Variants in ATG9A observed in about 807,000 individuals in gnomAD.
The protein encoded by ATG9A is autophagy-related protein 9A.
Under a neutral mutation model 87.1 loss-of-function variants are expected in ATG9A, and 21 were observed. The ratio of observed to expected loss-of-function variants is 0.24; its 90% confidence interval spans 0.17 to 0.35. The LOEUF (loss-of-function observed/expected upper bound fraction) is 0.35, where lower values mean the gene tolerates loss of function less well. Among genes scored for constraint, ATG9A ranks in the 10% least tolerant of loss-of-function variants. The probability of loss-of-function intolerance (pLI) is 1.00; values close to 1 mark genes in which losing one functional copy is unlikely to be tolerated. For missense variants in ATG9A, 836 were observed against 1,107.3 expected, an observed-to-expected ratio of 0.76 and a Z score of 3.48; for synonymous variants, 422 against 441.3, an observed-to-expected ratio of 0.96 and a Z score of 0.55.
chr2:219,226,456 G>A (rs527389224), intron 5 of ATG9A, among the ~76,000 whole-genome samples: 154 of 152,226 alleles, frequency 1.0e-3, no homozygotes, highest in African/African-American at 3.3e-3. Flanking sequence ...AGGTTGAGGC[G>A]GGCAGATAAC....
Position 219,224,199 on chromosome 2 carries a change from A to G in ATG9A, c.1172T>C (p.Leu391Pro). 6.2e-7 allele frequency: 1 copy of G among 1,613,806 alleles called. No individual in the cohort carries two copies. The highest frequency in any genetic ancestry group is 8.5e-7 in the Non-Finnish European group (1 of 1,180,052). The change falls in exon 8 of 16, where the codon CTT (leucine) becomes CCT (proline). Residue 391 changes from leucine (L) to proline (P), a missense_variant. Transcript: ENST00000361242. This position sits in a 1 kb window ranked among gnomAD's most constrained non-coding sequence, Gnocchi z 7.7. ...AFFAGSILAV[L>P]IALTIYDEDV... ...TTCGTCATAAATGGTGAGGGCAATA[A>G]GCACAGCCAGGATGGAGCCAGCGAA...
chr2:219,225,641 GGA>G, intron 5 of ATG9A, 69 bp from the exon 6 acceptor site: 2 of 1,531,616 alleles, frequency 1.3e-6, no homozygotes, highest in Non-Finnish European at 1.8e-6. Flanking sequence ...AGTGGGAAGA[GGA>G]GAGTCTGGAG....
rs73993548 is a variant in ATG9A, at chr2:219,222,439, A to G, written c.1860T>C (p.Leu620=). 1,934 of 1,568,866 alleles carry G rather than the reference A, an allele frequency of 1.2e-3. 20 individuals carry two copies. In the African/African-American group the frequency reaches 0.024, roughly 20 times the overall value. Residue 620 remains leucine, a synonymous_variant, in exon 12 of 16, where the codon CTT becomes CTC. Transcript: ENST00000361242. This position sits in a 1 kb window ranked among gnomAD's most constrained non-coding sequence, Gnocchi z 4.3. ...SLQSESEPLS[L]IANVVAGSSC... ...ATGAGCCAGCTACCACATTTGCGATAAGGCTCAGGGGCTATGAACGAAACG... is the reference window on the plus strand; with the variant it reads ...ATGAGCCAGCTACCACATTTGCGATGAGGCTCAGGGGCTATGAACGAAACG...
Position 219,225,395 on chromosome 2 carries a change from G to C in ATG9A, c.374+16C>G. ...GAACTCAAGGCTATGGTGTCCTCTTGACTTGCAGCCCTTACCTGGCACTAC... is the reference window on the plus strand; with the variant it reads ...GAACTCAAGGCTATGGTGTCCTCTTCACTTGCAGCCCTTACCTGGCACTAC... On this transcript the variant is annotated intron_variant, in intron 6 of 15. Transcript: ENST00000361242. The C allele has an allele frequency of 6.2e-7, 1 of 1,613,060 alleles. No homozygotes were observed. Among genetic ancestry groups the C allele is most frequent in the Non-Finnish European group, 8.5e-7 (1 of 1,179,288 alleles).
At position 219,219,431 on chromosome 2, in the gene ATG9A, A is replaced by G. The variant is rs1047726752; in HGVS notation, c.*1016T>C. 1 of 152,560 alleles carries G rather than the reference A, an allele frequency of 6.6e-6. No homozygotes were observed. Among genetic ancestry groups the G allele is most frequent in the South Asian group, 2.1e-4 (1 of 4,832 alleles). The allele number at this position is 152,560 out of a possible 1,614,324, so 9.5% of individuals were successfully genotyped here. A position where few individuals can be genotyped will look rare whatever the true frequency, so the allele number is the denominator to read the frequency against. ...GGTTATCAAGCTGTACACGGTCCCTACCCTGCTCCGCTCCGAGTTCGGGCA... is the reference window on the plus strand; with the variant it reads ...GGTTATCAAGCTGTACACGGTCCCTGCCCTGCTCCGCTCCGAGTTCGGGCA... On this transcript the variant is annotated 3_prime_UTR_variant, in exon 16 of 16. Transcript: ENST00000361242.
chr2:219,221,853 G>A (rs149730731), intron 13 of ATG9A, among the ~76,000 whole-genome samples, 197 bp downstream of exon 13: 13 of 152,242 alleles, frequency 8.5e-5, no homozygotes, highest in East Asian at 3.9e-4. Flanking sequence ...ATATCCCAGG[G>A]AACTGGATTC....
intron 13 of ATG9A, 61 bp from the exon 14 acceptor site, chr2:219,221,363 C>T: frequency 6.9e-7 from 1 of 1,440,274 alleles, no homozygotes; most frequent in Non-Finnish European, 9.2e-7. Flanking sequence ...AACAGCTGCC[C>T]TCCAACCTGG....
Position 219,223,302 on chromosome 2 carries a change from A to G in ATG9A, c.1599+283T>C, listed in dbSNP as rs1190264278. Among the ~76,000 whole-genome samples the G allele has an allele frequency of 6.6e-6, 1 of 151,886 alleles. No homozygotes were observed. Among genetic ancestry groups the G allele is most frequent in the East Asian group, 1.9e-4 (1 of 5,162 alleles). On this transcript the variant is annotated intron_variant, in intron 10 of 15. Transcript: ENST00000361242. The surrounding 1 kb of genome is among the most constrained non-coding windows in gnomAD (Gnocchi z 4.7). ...AAGGGGTTTCACCGTGTTAGCCAGG[A>G]TGGTCTCGATCTCCTGACCTCGTGA...
At chr2:219,221,362 C>A in intron 13 of ATG9A, 60 bp from the exon 14 acceptor site, 1 of 1,441,756 alleles carries the variant, frequency 6.9e-7, no homozygotes, top group East Asian at 2.5e-5. Flanking sequence ...AAACAGCTGC[C>A]CTCCAACCTG....
At position 219,220,789 on chromosome 2, in the gene ATG9A, G is replaced by A. The variant is rs1950739736; in HGVS notation, c.2472C>T (p.Pro824=). The A allele has an allele frequency of 1.9e-6, 3 of 1,613,420 alleles. No homozygotes were observed. The highest frequency in any genetic ancestry group is 1.3e-5 in the African/African-American group (1 of 74,978). Residue 824 remains proline, a synonymous_variant, in exon 15 of 16, where the codon CCC becomes CCT. Transcript: ENST00000361242. The part of the protein sequence containing the change: ...QSASRHPEPV[P]EEGSEDELPP... ...GTAGCTCATCCTCCGAGCCCTCTTCGGGCACGGGCTCAGGGTGCCTTGATG... is the reference window on the plus strand; with the variant it reads ...GTAGCTCATCCTCCGAGCCCTCTTCAGGCACGGGCTCAGGGTGCCTTGATG...
Position 219,220,188 on chromosome 2 carries a change from C to T in ATG9A, c.*259G>A. The T allele has an allele frequency of 1.9e-6, 1 of 512,916 alleles. No homozygotes were observed. Among genetic ancestry groups the T allele is most frequent in the South Asian group, 3.1e-5 (1 of 32,262 alleles). 31.8% of individuals were successfully genotyped at this position (512,916 alleles called of 1,614,324 possible). On this transcript the variant is annotated 3_prime_UTR_variant, in exon 16 of 16. Coordinates refer to ENST00000361242, the MANE Select transcript of ATG9A (RefSeq NM_001077198.3). ...CTGGGGCTGGGCTGGGGGCCAGTTTCTAGCACCACACTCTGAGCCAAGGGG... is the reference window on the plus strand; with the variant it reads ...CTGGGGCTGGGCTGGGGGCCAGTTTTTAGCACCACACTCTGAGCCAAGGGG...
At position 219,223,324 on chromosome 2, in the gene ATG9A, G is replaced by A. The variant is rs143156693; in HGVS notation, c.1599+261C>T. On this transcript the variant is annotated intron_variant, in intron 10 of 15. Transcript: ENST00000361242. This position sits in a 1 kb window ranked among gnomAD's most constrained non-coding sequence, Gnocchi z 4.7. ...AGGATGGTCTCGATCTCCTGACCTCGTGATCCACCCGCCTTGGCCTCCCAA... is the reference window on the plus strand; with the variant it reads ...AGGATGGTCTCGATCTCCTGACCTCATGATCCACCCGCCTTGGCCTCCCAA... 1.1e-3 allele frequency among the ~76,000 whole-genome samples: 160 copies of A among 152,102 alleles called. No homozygotes were observed. The highest frequency in any genetic ancestry group is 6.8e-3 in the Middle Eastern group (2 of 294).
At chr2:219,220,687 G>C in intron 15 of ATG9A, 60 bp downstream of exon 15, 1 of 1,590,912 alleles carries the variant, frequency 6.3e-7, no homozygotes, top group Non-Finnish European at 8.6e-7. Flanking sequence ...CTGAAAAGCT[G>C]TTACCTCACC....
chr2:219,225,684 C>T (rs1950846826), intron 5 of ATG9A, 112 bp from the exon 6 acceptor site: 1 of 1,214,236 alleles, frequency 8.2e-7, no homozygotes, highest in Middle Eastern at 2.8e-4. Context: ...ACTGGAAGGG[C>T]CTGGAGAACT....
Position 219,220,766 on chromosome 2 carries a change from A to C in ATG9A, c.2495T>G (p.Leu832Arg), listed in dbSNP as rs775568171. The change falls in exon 15 of 16, where the codon CTA becomes CGA. Residue 832 changes from leucine to arginine, a missense_variant. This residue lies in a region of ATG9A where 324 missense variants were observed against 347.6 expected (regional missense o/e 0.93). Transcript: ENST00000361242. ...PVPEEGSEDE[L>R]PPQVHKV The stretch of plus-strand genomic sequence containing the variant: ...CCTTACCTTGTGCACCTGAGGGGGT[A>C]GCTCATCCTCCGAGCCCTCTTCGGG... The C allele has an allele frequency of 5.0e-6, 8 of 1,613,416 alleles. No individual in the cohort carries two copies. The East Asian group carries it at 6.7e-5, about 13-fold the overall frequency.
Position 219,220,727 on chromosome 2 carries a change from C to T in ATG9A, c.2514+20G>A, listed in dbSNP as rs368570734. The T allele has an allele frequency of 6.5e-5, 105 of 1,603,786 alleles. No homozygotes were observed. The highest frequency in any genetic ancestry group is 3.3e-4 in the Middle Eastern group (2 of 5,980). On this transcript the variant is annotated intron_variant, in intron 15 of 15. Transcript: ENST00000361242. ...AAGTTACTATTTCTGGCAGTTTTTC[C>T]TAGGCCCCGGGGCCCTTACCTTGTG...
chr2:219,226,711 A>C (rs935153608), intron 5 of ATG9A, among the ~76,000 whole-genome samples, 158 bp downstream of exon 5: 1 of 152,106 alleles, frequency 6.6e-6, no homozygotes, highest in African/African-American at 2.4e-5. Flanking sequence ...GTGAAGCTGT[A>C]AGTTTTGGTG....
In ATG9A at chr2:219,222,579, C is replaced by T. The variant is rs569578621; in HGVS notation, c.1848+66G>A. 50 of 1,601,600 alleles carry T rather than the reference C, an allele frequency of 3.1e-5. No individual in the cohort carries two copies. The highest frequency in any genetic ancestry group is 9.0e-5 in the East Asian group (4 of 44,676). The stretch of plus-strand genomic sequence containing the variant: ...AGCAGGAAGCCTTCCACCCCATGCC[C>T]GGTCCCTCAACTCCCAGCTCCTGAA... On this transcript the variant is annotated intron_variant, in intron 11 of 15. Coordinates refer to ENST00000361242, the MANE Select transcript of ATG9A (RefSeq NM_001077198.3). This position sits in a 1 kb window ranked among gnomAD's most constrained non-coding sequence, Gnocchi z 4.3.
intron 1 of ATG9A, 151 bp from the exon 2 acceptor site, chr2:219,228,636 C>T (rs73993552): frequency 0.043 from 6,554 of 152,510 alleles, 272 homozygotes; most frequent in East Asian, 0.11. Context: ...CCCAGGACTA[C>T]GAGCACTTCC....
Sources: gnomAD v4.1 joint callset for allele counts (sites outside exome capture counted in the v4.1 genomes callset) on GRCh38, gnomAD v4.1.1 for gene constraint, gnomAD v4.1.1 regional missense constraint, Gnocchi (gnomAD v3.1) non-coding constraint, MANE v1.5 for transcripts, NCBI Gene and HGNC (gene_info 2026-07-23, HGNC 2026-07-21) for gene names.